The following RAB28 variants were observed in gnomAD, a reference collection of about 807,000 sequenced individuals.
The protein encoded by RAB28 is ras-related protein Rab-28.
Under a neutral mutation model 31.7 loss-of-function variants are expected in RAB28, and 24 were observed. The ratio of observed to expected loss-of-function variants is 0.76; its 90% CI spans 0.55 to 1.06. RAB28 has a LOEUF of 1.06. Ranked by LOEUF, RAB28 falls within the 50% of genes least tolerant of loss-of-function variation. The pLI is 0.00. For missense variants in RAB28, 254 were observed against 258.5 expected (o/e 0.98, Z 0.12); for synonymous variants, 100 against 90.4 (o/e 1.11, Z -0.60).
intron 4 of RAB28, among the ~76,000 whole-genome samples, chr4:13,402,338 G>A (rs957109372): frequency 2.6e-5 from 4 of 152,186 alleles, no homozygotes; most frequent in Non-Finnish European, 4.4e-5. Flanking sequence ...TGTAGACATT[G>A]ATAAAGGATT....
At chr4:13,429,939 G>A (rs1713719219) in intron 4 of RAB28, among the ~76,000 whole-genome samples, 1 of 152,062 alleles carries the variant, frequency 6.6e-6, no homozygotes, top group Non-Finnish European at 1.5e-5. Context: ...GTAATCTACA[G>A]TAAGTTACAG....
chr4:13,458,588 C>T (rs181721777), intron 4 of RAB28, among the ~76,000 whole-genome samples: 10 of 152,140 alleles, frequency 6.6e-5, no homozygotes, highest in East Asian at 5.8e-4. Flanking sequence ...TAGAAAACAA[C>T]GAATCATATA....
intron 4 of RAB28, among the ~76,000 whole-genome samples, chr4:13,383,715 GT>G (rs1475891356): frequency 6.6e-6 from 1 of 152,196 alleles, no homozygotes; most frequent in Non-Finnish European, 1.5e-5. Context: ...TCTCATGATA[GT>G]AAATAAGTTC....
intron 2 of RAB28, 91 bp from the exon 3 acceptor site, chr4:13,474,497 C>A: frequency 1.4e-6 from 1 of 732,942 alleles, no homozygotes; most frequent in South Asian, 2.2e-5. Context: ...AATACTAAGT[C>A]ACAATAAGAA....
At chr4:13,482,178 T>A (rs906238705) in intron 1 of RAB28, among the ~76,000 whole-genome samples, 1 of 152,114 alleles carries the variant, frequency 6.6e-6, no homozygotes, top group South Asian at 2.1e-4. Context: ...AACATGGAAG[T>A]GAAAAAATTA....
chr4:13,473,197 A>C (rs1716199492), intron 3 of RAB28, among the ~76,000 whole-genome samples: 1 of 151,976 alleles, frequency 6.6e-6, no homozygotes, highest in Non-Finnish European at 1.5e-5. Context: ...TGTACAGCAG[A>C]GTGCTTAATA....
intron 4 of RAB28, among the ~76,000 whole-genome samples, chr4:13,444,096 C>T (rs1252004122): frequency 3.3e-5 from 5 of 150,994 alleles, no homozygotes; most frequent in Admixed American, 6.6e-5. Flanking sequence ...GGCGCGATCT[C>T]GGCTCACTGC....
At position 13,411,410 on chromosome 4, in the gene RAB28, T is replaced by C. The variant is rs990965138; in HGVS notation, c.392-29816A>G. On this transcript the variant is annotated intron_variant, in intron 4 of 6. Coordinates refer to ENST00000330852, the MANE Select transcript of RAB28 (RefSeq NM_001017979.3). ...GAAAAAAGAAGCCAAGGAAACCCAG[T>C]GATATGTGATATGATATGAAGCATA... 2.6e-4 allele frequency among the ~76,000 whole-genome samples: 40 copies of C among 152,148 alleles called. 2 individuals are homozygous for C. Among genetic ancestry groups the C allele is most frequent in the Non-Finnish European group, 4.4e-5 (3 of 68,002 alleles).
chr4:13,471,485 G>T (rs2108969670), intron 3 of RAB28, among the ~76,000 whole-genome samples: 1 of 151,996 alleles, frequency 6.6e-6, no homozygotes, highest in East Asian at 1.9e-4. Flanking sequence ...GCAGAAAAAA[G>T]TTATTATATT....
chr4:13,381,442 T>G, intron 5 of RAB28, 49 bp downstream of exon 5: 1 of 1,319,072 alleles, frequency 7.6e-7, no homozygotes, highest in Non-Finnish European at 1.1e-6. Flanking sequence ...CTAGGAATGT[T>G]AGTAAATAAA....
intron 3 of RAB28, among the ~76,000 whole-genome samples, chr4:13,469,740 A>G (rs1374604688): frequency 6.6e-6 from 1 of 152,022 alleles, no homozygotes; most frequent in African/African-American, 2.4e-5. Context: ...TCTGTTCCCC[A>G]GGCTGGAACG....
intron 4 of RAB28, among the ~76,000 whole-genome samples, chr4:13,432,484 G>C (rs1560290881): frequency 6.6e-6 from 1 of 152,028 alleles, no homozygotes; most frequent in African/African-American, 2.4e-5. Context: ...AAGGCATATA[G>C]TTATCAGATT....
At chr4:13,411,867 TAATTAATG>T (rs908022044) in intron 4 of RAB28, among the ~76,000 whole-genome samples, 3 of 151,998 alleles carry the variant, frequency 2.0e-5, no homozygotes, top group Admixed American at 6.6e-5. Context: ...TACCATGATC[TAATTAATG>T]AAATGAATTC....
chr4:13,424,132 G>A (rs894520349), intron 4 of RAB28, among the ~76,000 whole-genome samples: 1 of 152,176 alleles, frequency 6.6e-6, no homozygotes, highest in Non-Finnish European at 1.5e-5. Flanking sequence ...GTATCTATGA[G>A]AAATCAAGTA....
chr4:13,434,265 T>C (rs181161717), intron 4 of RAB28, among the ~76,000 whole-genome samples: 11 of 152,080 alleles, frequency 7.2e-5, no homozygotes, highest in South Asian at 2.1e-4. Context: ...CTAAGCATCA[T>C]GCAATATGCC....
intron 4 of RAB28, among the ~76,000 whole-genome samples, chr4:13,415,143 GAC>G (rs369441285): frequency 2.3e-4 from 35 of 152,354 alleles, no homozygotes; most frequent in East Asian, 2.1e-3. Flanking sequence ...CATCAAAAGA[GAC>G]TATCAGAGAC....
At chr4:13,392,757 AC>A (rs1429029963) in intron 4 of RAB28, among the ~76,000 whole-genome samples, 2 of 152,218 alleles carry the variant, frequency 1.3e-5, no homozygotes, top group African/African-American at 4.8e-5. Context: ...TGTTTTCACC[AC>A]AAAAAAATGA....
intron 4 of RAB28, chr4:13,459,828 T>C: frequency 1.6e-6 from 2 of 1,262,586 alleles, no homozygotes; most frequent in Non-Finnish European, 1.0e-6. Flanking sequence ...ATGAAATGCA[T>C]CGCTCAAAAC....
chr4:13,414,244 A>AT (rs2108912580), intron 4 of RAB28, among the ~76,000 whole-genome samples: 1 of 152,326 alleles, frequency 6.6e-6, no homozygotes, highest in East Asian at 1.9e-4. Context: ...CAGTAATGTT[A>AT]TTGACACATA....
Sources: allele counts gnomAD v4.1 joint callset (sites outside exome capture counted in the v4.1 genomes callset), GRCh38; gene constraint gnomAD v4.1.1; transcripts MANE v1.5; gene names NCBI Gene and HGNC (gene_info 2026-07-23, HGNC 2026-07-21).